Variants in TTL observed in about 807,000 individuals in gnomAD.
TTL encodes tubulin tyrosine ligase.
Under a neutral mutation model 41.1 loss-of-function variants are expected in TTL, and 10 were observed. The observed-to-expected ratio is 0.24, with a 90% CI of 0.15 to 0.41. TTL has a LOEUF of 0.41. Among genes scored for constraint, TTL ranks in the 10% least tolerant of loss-of-function variants. The pLI is 1.00. For missense variants in TTL, 367 were observed against 460.4 expected (o/e 0.80, Z 1.86); for synonymous variants, 175 against 175.5 (o/e 1.00, Z 0.02).
At chr2:112,499,936 T>A (rs1442991507) in intron 3 of TTL, among the ~76,000 whole-genome samples, 1 of 152,240 alleles carries the variant, frequency 6.6e-6, no homozygotes. Context: ...GCAAATCTTA[T>A]AGCAGCATTA....
At chr2:112,519,363 T>C (rs1008233734) in intron 5 of TTL, among the ~76,000 whole-genome samples, 1 of 152,196 alleles carries the variant, frequency 6.6e-6, no homozygotes, top group Non-Finnish European at 1.5e-5. Context: ...TACTTGTTCA[T>C]TGTATTTCCA....
chr2:112,521,342 G>A, intron 6 of TTL: 1 of 985,400 alleles, frequency 1.0e-6, no homozygotes, highest in Non-Finnish European at 1.2e-6. Flanking sequence ...AGGAAGGAAG[G>A]TAAGAGAGGA....
Position 112,495,962 on chromosome 2 carries a change from G to C in TTL, c.469+1587G>C, listed in dbSNP as rs147792343. On this transcript the variant is annotated intron_variant, in intron 3 of 6. Coordinates refer to ENST00000233336, the MANE Select transcript of TTL (RefSeq NM_153712.5). ...GGACCTCACCTTCTTTTCCACCAGC[G>C]ATGAGACAGGAAGGCCTCAACTGGT... is the stretch of plus-strand genomic sequence containing the variant. Among the ~76,000 whole-genome samples, 650 of 152,302 alleles carry C rather than the reference G, an allele frequency of 4.3e-3. 8 individuals carry two copies. The highest frequency in any genetic ancestry group is 0.01 in the Middle Eastern group (3 of 294).
At chr2:112,509,756 G>A (rs944551180) in intron 5 of TTL, among the ~76,000 whole-genome samples, 2 of 152,204 alleles carry the variant, frequency 1.3e-5, no homozygotes, top group Non-Finnish European at 2.9e-5. Context: ...TACCTCAGAT[G>A]GAAATGCAGA....
chr2:112,486,010 C>T lies in TTL; in HGVS notation c.236+15C>T, dbSNP rs377288300. ...TCTTTAGTGAAGTAAGTGTTAAGAC[C>T]GCTGTTTTCCATTTTTTACCTAAAT... On this transcript the variant is annotated intron_variant, in intron 2 of 6. Coordinates refer to ENST00000233336, the MANE Select transcript of TTL (RefSeq NM_153712.5). 3.7e-5 allele frequency: 60 copies of T among 1,612,198 alleles called. No homozygotes were observed. Among genetic ancestry groups the T allele is most frequent in the African/African-American group, 3.1e-4 (23 of 74,894 alleles).
rs1328603453 is a variant in TTL, at chr2:112,536,513, T to C, written c.*7718T>C. ...CATAAACTTTAAGAAAAAAATTGTT[T>C]CTATAGACAAAGAAGGACTTTTTTT... is the stretch of plus-strand genomic sequence containing the variant. On this transcript the variant is annotated 3_prime_UTR_variant, in exon 7 of 7. Transcript: ENST00000233336. 1 of 152,244 alleles carries C rather than the reference T, an allele frequency of 6.6e-6. No homozygotes were observed. Among genetic ancestry groups the C allele is most frequent in the Non-Finnish European group, 1.5e-5 (1 of 68,050 alleles). 9.4% of individuals were successfully genotyped at this position (152,244 alleles called of 1,614,324 possible). A position where few individuals can be genotyped will look rare whatever the true frequency, so the allele number is the denominator to read the frequency against.
At position 112,534,473 on chromosome 2, in the gene TTL, G is replaced by A. The variant is rs562387472; in HGVS notation, c.*5678G>A. 4 of 152,884 alleles carry A rather than the reference G, an allele frequency of 2.6e-5. No homozygotes were observed. In the Admixed American group the frequency reaches 2.6e-4, roughly 10 times the overall value. 9.5% of individuals were successfully genotyped at this position (152,884 alleles called of 1,614,324 possible). A position where few individuals can be genotyped will look rare whatever the true frequency, so the allele number is the denominator to read the frequency against. ...AATCATGCTGACATCCAGCAGCAGAGCAGCCACCGTAGGGCTCAGAAGGGG... is the reference window on the plus strand; with the variant it reads ...AATCATGCTGACATCCAGCAGCAGAACAGCCACCGTAGGGCTCAGAAGGGG... On this transcript the variant is annotated 3_prime_UTR_variant, in exon 7 of 7. Transcript: ENST00000233336.
rs1306837502 is a variant in TTL, at chr2:112,529,621, T to A, written c.*826T>A. On this transcript the variant is annotated 3_prime_UTR_variant, in exon 7 of 7. Coordinates refer to ENST00000233336, the MANE Select transcript of TTL (RefSeq NM_153712.5). The stretch of plus-strand genomic sequence containing the variant: ...CAGTTTTGCCTAGTTCCCTTTTTTT[T>A]TCTTTTTTTACTTTTTTTTAAACGT... 4.4e-6 allele frequency: 1 copy of A among 228,448 alleles called. No homozygotes were observed. Among genetic ancestry groups the A allele is most frequent in the Non-Finnish European group, 8.7e-6 (1 of 115,184 alleles). 14.2% of individuals were successfully genotyped at this position (228,448 alleles called of 1,614,324 possible).
chr2:112,524,289 T>C (rs1215151129), intron 6 of TTL, among the ~76,000 whole-genome samples: 2 of 152,206 alleles, frequency 1.3e-5, no homozygotes, highest in Non-Finnish European at 2.9e-5. Flanking sequence ...GCATGATTTA[T>C]AATCCTTTGG....
At chr2:112,494,492 A>G in intron 3 of TTL, 117 bp downstream of exon 3, 6 of 752,634 alleles carry the variant, frequency 8.0e-6, no homozygotes. Context: ...GTCTAGTTAC[A>G]TAGTTATAAA....
chr2:112,506,809 T>A, intron 5 of TTL, among the ~76,000 whole-genome samples: 1 of 78,916 alleles, frequency 1.3e-5, no homozygotes, highest in Non-Finnish European at 2.4e-5. Flanking sequence ...TTTGTGTCTC[T>A]ATTTCCTTCA....
intron 6 of TTL, among the ~76,000 whole-genome samples, chr2:112,525,797 G>T (rs1574073525): frequency 6.6e-6 from 1 of 152,096 alleles, no homozygotes; most frequent in African/African-American, 2.4e-5. Context: ...CTGCCTGATT[G>T]CCCTGGCCAG....
chr2:112,484,891 C>T (rs546824607), intron 1 of TTL, among the ~76,000 whole-genome samples: 16 of 152,172 alleles, frequency 1.1e-4, no homozygotes, highest in Non-Finnish European at 2.1e-4. Context: ...TTTGGTCTTA[C>T]TTTGATTTTG....
rs969962984 is a variant in TTL at position 112,535,619 on chromosome 2, A to G, written c.*6824A>G. The G allele has an allele frequency of 2.0e-5, 3 of 152,032 alleles. No individual in the cohort carries two copies. Among genetic ancestry groups the G allele is most frequent in the East Asian group, 1.9e-4 (1 of 5,182 alleles). The allele number at this position is 152,032 out of a possible 1,614,324, so 9.4% of individuals were successfully genotyped here. On this transcript the variant is annotated 3_prime_UTR_variant, in exon 7 of 7. Coordinates refer to ENST00000233336, the MANE Select transcript of TTL (RefSeq NM_153712.5). ...AAGGAAGTAATGAAAAATAGAGGAG[A>G]AAAAAAAGGCAAGAGGCCTAAAGAA...
chr2:112,485,916 G>C lies in TTL; in HGVS notation c.158-1G>C. ...TTCTGAGCCTCCTCTTTCCTTCCTAGGTCACGAGCCCGGGCTGGTACAGTT... is the reference window on the plus strand; with the variant it reads ...TTCTGAGCCTCCTCTTTCCTTCCTACGTCACGAGCCCGGGCTGGTACAGTT... On this transcript the variant is annotated splice_acceptor_variant, in intron 1 of 6. Coordinates refer to ENST00000233336, the MANE Select transcript of TTL (RefSeq NM_153712.5). LOFTEE classifies it high-confidence loss of function. 6.2e-7 allele frequency: 1 copy of C among 1,608,440 alleles called. No individual in the cohort carries two copies. The highest frequency in any genetic ancestry group is 1.1e-5 in the South Asian group (1 of 91,046).
rs1292290747 is a variant in TTL at position 112,536,752 on chromosome 2, G to C, written c.*7957G>C. ...TGTGTCCATGTGTATCTAATGTTTG[G>C]CTCCCACTTATGAGACTGTGCAATA... On this transcript the variant is annotated 3_prime_UTR_variant, in exon 7 of 7. Coordinates refer to ENST00000233336, the MANE Select transcript of TTL (RefSeq NM_153712.5). 6.6e-6 allele frequency: 1 copy of C among 151,926 alleles called. No individual in the cohort carries two copies. The highest frequency in any genetic ancestry group is 1.5e-5 in the Non-Finnish European group (1 of 67,994). The allele number at this position is 151,926 out of a possible 1,614,324, so 9.4% of individuals were successfully genotyped here. A position where few individuals can be genotyped will look rare whatever the true frequency, so the allele number is the denominator to read the frequency against.
Position 112,494,310 on chromosome 2 carries a change from A to T in TTL, c.404A>T (p.Tyr135Phe). Residue 135 changes from tyrosine to phenylalanine, a missense_variant, in exon 3 of 7, where the codon TAT becomes TTT. By Grantham distance (22) the Tyr-to-Phe change is conservative. Coordinates refer to ENST00000233336, the MANE Select transcript of TTL (RefSeq NM_153712.5). ...TDEREFFLAS[Y>F]NRKKEDGEGN... is the part of the protein sequence containing the mutation. ...GAAAGAGAATTCTTTCTCGCCTCTT[A>T]TAACAGAAAGAAAGAGGATGGAGAG... The T allele has an allele frequency of 1.2e-6, 2 of 1,614,220 alleles. No individual in the cohort carries two copies. Among genetic ancestry groups the T allele is most frequent in the South Asian group, 1.1e-5 (1 of 91,088 alleles).
Position 112,523,870 on chromosome 2 carries a change from G to A in TTL, c.1019+3445G>A, listed in dbSNP as rs542963537. Among the ~76,000 whole-genome samples the A allele has an allele frequency of 3.6e-4, 55 of 151,818 alleles. 1 individual carries two copies. The highest frequency in any genetic ancestry group is 1.0e-3 in the African/African-American group (43 of 41,348). On this transcript the variant is annotated intron_variant, in intron 6 of 6. Coordinates refer to ENST00000233336, the MANE Select transcript of TTL (RefSeq NM_153712.5). The stretch of plus-strand genomic sequence containing the variant: ...GTAGGTTTGTTACATATGTATACAT[G>A]TGCCATGTTGGTGTGCTGTACCCAT...
At chr2:112,516,584 G>A (rs1243417406) in intron 5 of TTL, among the ~76,000 whole-genome samples, 1 of 152,216 alleles carries the variant, frequency 6.6e-6, no homozygotes, top group Non-Finnish European at 1.5e-5. Flanking sequence ...TGAGGCAGGA[G>A]AATTGCTTGA....
Sources: allele counts gnomAD v4.1 joint callset (sites outside exome capture counted in the v4.1 genomes callset), GRCh38; gene constraint gnomAD v4.1.1; transcripts MANE v1.5; gene names NCBI Gene and HGNC (gene_info 2026-07-23, HGNC 2026-07-21).